PXT1: variants seen among roughly 807,000 people sequenced by gnomAD.
PXT1 encodes peroxisomal testis enriched protein 1.
A neutral mutation model predicts 11.0 loss-of-function variants in PXT1; 11 were observed. The observed-to-expected ratio is 1.00, with a 90% CI of 0.63 to 1.66. The LOEUF (loss-of-function observed/expected upper bound fraction) is 1.66, where lower values mean the gene tolerates loss of function less well. Ranked by LOEUF, PXT1 falls within the 40% of genes most tolerant of loss-of-function variation. The pLI is 0.00. For synonymous variants in PXT1, 43 were observed against 51.4 expected (o/e 0.84, Z 0.70); for missense variants, 141 against 155.5 (o/e 0.91, Z 0.49).
At chr6:36,435,311 A>G (rs568769470) in intron 2 of PXT1, among the ~76,000 whole-genome samples, 18 of 152,350 alleles carry the variant, frequency 1.2e-4, no homozygotes, top group Admixed American at 1.0e-3. Context: ...TAATGCCAGC[A>G]CTTCGAGAGG....
chr6:36,427,871 A>G (rs1214232301), intron 2 of PXT1, among the ~76,000 whole-genome samples: 1 of 152,168 alleles, frequency 6.6e-6, no homozygotes, highest in Admixed American at 6.6e-5. Context: ...AAAGATTGTC[A>G]AATAGAATTG....
rs528918515 is a variant in PXT1, at chr6:36,400,416, T to C, written c.300+38A>G. The C allele has an allele frequency of 5.0e-6, 8 of 1,608,870 alleles. No individual in the cohort carries two copies. In the African/African-American group the frequency reaches 8.0e-5, roughly 16 times the overall value. ...CGTAGTTTTGTTTGCTCTTTCCTCC[T>C]ACCTGACAGGCCCTGGCTGGGGAAA... is the stretch of plus-strand genomic sequence containing the variant. On this transcript the variant is annotated intron_variant, in intron 4 of 4. Transcript: ENST00000454782.
At chr6:36,409,740 CACTT>C (rs1774338499) in intron 3 of PXT1, among the ~76,000 whole-genome samples, 2 of 151,144 alleles carry the variant, frequency 1.3e-5, no homozygotes, top group African/African-American at 4.9e-5. Flanking sequence ...GTGGGAGGAT[CACTT>C]AAGCCTAGAA....
chr6:36,404,934 G>A (rs906347043), intron 3 of PXT1, among the ~76,000 whole-genome samples: 12 of 152,138 alleles, frequency 7.9e-5, no homozygotes, highest in Admixed American at 3.3e-4. Flanking sequence ...TCTAGCCTGG[G>A]CAACAGAGTG....
chr6:36,436,540 G>T (rs906830017), intron 2 of PXT1, among the ~76,000 whole-genome samples: 2 of 152,190 alleles, frequency 1.3e-5, no homozygotes, highest in Admixed American at 6.5e-5. Context: ...GAGAGCACCA[G>T]CACGGAATTA....
At chr6:36,418,326 A>C (rs1203826296) in intron 3 of PXT1, among the ~76,000 whole-genome samples, 2 of 152,226 alleles carry the variant, frequency 1.3e-5, no homozygotes, top group African/African-American at 4.8e-5. Flanking sequence ...GATCTAGAAA[A>C]CTGGAAAACA....
At chr6:36,409,662 G>GA (rs1423956886) in intron 3 of PXT1, among the ~76,000 whole-genome samples, 3 of 151,678 alleles carry the variant, frequency 2.0e-5, no homozygotes, top group African/African-American at 4.8e-5. Flanking sequence ...CGCGTCTCTA[G>GA]AAAAAATACA....
chr6:36,433,083 T>C (rs1582273350), intron 2 of PXT1, among the ~76,000 whole-genome samples: 1 of 152,144 alleles, frequency 6.6e-6, no homozygotes, highest in East Asian at 1.9e-4. Flanking sequence ...AAAATATAAA[T>C]GTACAAAAAT....
chr6:36,438,692 G>C (rs1774810312), intron 2 of PXT1, 75 bp downstream of exon 2: 1 of 152,360 alleles, frequency 6.6e-6, no homozygotes, highest in Admixed American at 6.5e-5. Context: ...AAAGTGCTGG[G>C]ATTACAGGCA....
chr6:36,426,575 G>A (rs968146140), intron 2 of PXT1, among the ~76,000 whole-genome samples: 14 of 151,828 alleles, frequency 9.2e-5, no homozygotes, highest in Admixed American at 2.0e-4. Context: ...TCACCATGTC[G>A]GCCAGGCTGG....
intron 3 of PXT1, among the ~76,000 whole-genome samples, chr6:36,415,761 G>A (rs958711439): frequency 3.3e-5 from 5 of 152,156 alleles, no homozygotes; most frequent in Non-Finnish European, 7.3e-5. Flanking sequence ...GAAAATGGGA[G>A]ATACAGTAGG....
intron 2 of PXT1, among the ~76,000 whole-genome samples, chr6:36,438,516 T>C (rs981465206): frequency 3.9e-5 from 6 of 152,256 alleles, no homozygotes; most frequent in South Asian, 2.1e-4. Context: ...CTCCGCCTCC[T>C]GGGTTCACGC....
chr6:36,401,957 C>T (rs1774220784), intron 3 of PXT1, among the ~76,000 whole-genome samples: 2 of 144,912 alleles, frequency 1.4e-5, no homozygotes, highest in African/African-American at 5.0e-5. Flanking sequence ...TGTATACATG[C>T]ATATATATAT....
intron 1 of PXT1, among the ~76,000 whole-genome samples, chr6:36,439,796 C>A (rs548318918): frequency 1.3e-5 from 2 of 152,124 alleles, no homozygotes; most frequent in Non-Finnish European, 2.9e-5. Flanking sequence ...ACAGGAATAA[C>A]AAGAGATAAA....
Position 36,425,984 on chromosome 6 carries a change from G to A in PXT1, c.99C>T (p.Tyr33=). 6.5e-7 allele frequency: 1 copy of A among 1,535,204 alleles called. No individual in the cohort carries two copies. Among genetic ancestry groups the A allele is most frequent in the East Asian group, 2.5e-5 (1 of 40,784 alleles). ...THCCKSLWLK[Y]SFQKAYMTQL... ...GGGTCATGTATGCCTTCTGAAAACT[G>A]TATTTTAACCACAGTGATTTGCAAC... Residue 33 remains tyrosine, a synonymous_variant, in exon 3 of 5, where the codon TAC becomes TAT. Transcript: ENST00000454782.
chr6:36,432,847 A>C (rs1270863618), intron 2 of PXT1, among the ~76,000 whole-genome samples: 3 of 151,926 alleles, frequency 2.0e-5, no homozygotes, highest in African/African-American at 7.3e-5. Flanking sequence ...TGAGAGTCAG[A>C]CATATTACTG....
intron 1 of PXT1, 31 bp downstream of exon 1, chr6:36,442,504 A>T (rs981011363): frequency 2.0e-5 from 3 of 152,220 alleles, no homozygotes; most frequent in African/African-American, 7.2e-5. Context: ...TTGATTTAAA[A>T]TTTGTAATAC....
chr6:36,420,054 T>C (rs1774501869), intron 3 of PXT1, among the ~76,000 whole-genome samples: 1 of 152,236 alleles, frequency 6.6e-6, no homozygotes, highest in African/African-American at 2.4e-5. Flanking sequence ...CAAGAAAATC[T>C]ATTTTTTAAG....
intron 2 of PXT1, among the ~76,000 whole-genome samples, chr6:36,427,452 A>G (rs1774624661): frequency 6.6e-6 from 1 of 152,232 alleles, no homozygotes; most frequent in Admixed American, 6.5e-5. Context: ...GGCTAAGACC[A>G]CAATGAGCTG....
Sources: allele counts gnomAD v4.1 joint callset (sites outside exome capture counted in the v4.1 genomes callset), GRCh38; gene constraint gnomAD v4.1.1; transcripts MANE v1.5; gene names NCBI Gene and HGNC (gene_info 2026-07-23, HGNC 2026-07-21).